Variants in PPP1R14D observed in about 807,000 individuals in gnomAD.
The protein encoded by PPP1R14D is protein phosphatase 1 regulatory subunit 14D.
A neutral mutation model predicts 17.1 loss-of-function variants in PPP1R14D; 14 were observed. The observed-to-expected ratio is 0.82, with a 90% CI of 0.54 to 1.28. The LOEUF (loss-of-function observed/expected upper bound fraction) is 1.28, where lower values mean the gene tolerates loss of function less well. Ranked by LOEUF, PPP1R14D falls within the 50% of genes most tolerant of loss-of-function variation. The pLI is 0.00. For missense variants in PPP1R14D, 173 were observed against 179.2 expected (o/e 0.97, Z 0.20); for synonymous variants, 67 against 66.1 (o/e 1.01, Z -0.06).
intron 1 of PPP1R14D, among the ~76,000 whole-genome samples, chr15:40,818,288 CAA>C (rs764375543): frequency 1.9e-4 from 7 of 37,120 alleles, no homozygotes; most frequent in African/African-American, 2.0e-4. Context: ...GACTCCATCT[CAA>C]AAAAAAAAAA....
Position 40,818,576 on chromosome 15 carries a change from C to T in PPP1R14D, c.256-2323G>A, listed in dbSNP as rs547308881. Among the ~76,000 whole-genome samples, 15 of 152,122 alleles carry T rather than the reference C, an allele frequency of 9.9e-5. No individual in the cohort carries two copies. In the East Asian group the frequency reaches 2.7e-3, roughly 27 times the overall value. ...ATAGTCCCAAGGAGTCTAGCCTGGG[C>T]AGAAAAGTAGAGACCCTGTCTCAAA... is the stretch of plus-strand genomic sequence containing the variant. On this transcript the variant is annotated intron_variant, in intron 1 of 3. Coordinates refer to ENST00000299174, the MANE Select transcript of PPP1R14D (RefSeq NM_017726.8).
intron 1 of PPP1R14D, among the ~76,000 whole-genome samples, chr15:40,822,460 T>C (rs569123963): frequency 8.7e-5 from 13 of 148,960 alleles, no homozygotes; most frequent in Middle Eastern, 6.9e-3. Flanking sequence ...ACCAGATTCT[T>C]TTTTTTTTTT....
intron 1 of PPP1R14D, 131 bp from the exon 2 acceptor site, chr15:40,816,384 T>C (rs925015294): frequency 1.4e-6 from 1 of 736,274 alleles, no homozygotes; most frequent in Non-Finnish European, 2.3e-6. Flanking sequence ...AGAACACCCA[T>C]TCAGTTTTCC....
intron 1 of PPP1R14D, among the ~76,000 whole-genome samples, chr15:40,827,174 T>C (rs1165594197): frequency 6.6e-6 from 1 of 152,204 alleles, no homozygotes; most frequent in Non-Finnish European, 1.5e-5. Context: ...GCTGACAACA[T>C]AGTAGTCACT....
chr15:40,828,120 G>A (rs1405118403), intron 1 of PPP1R14D, among the ~76,000 whole-genome samples: 2 of 152,114 alleles, frequency 1.3e-5, no homozygotes, highest in Non-Finnish European at 2.9e-5. Context: ...GTCCTATAAA[G>A]GAGATATGAC....
In PPP1R14D at chr15:40,827,200, T is replaced by C. The variant is rs537941203; in HGVS notation, c.255+1187A>G. ...AGTAGTCACTAGCCACATGGGGCTA[T>C]TTAACACTTGAGATGTGGCCCATGT... On this transcript the variant is annotated intron_variant, in intron 1 of 3. Coordinates refer to ENST00000299174, the MANE Select transcript of PPP1R14D (RefSeq NM_017726.8). Among the ~76,000 whole-genome samples, 511 of 152,342 alleles carry C rather than the reference T, an allele frequency of 3.4e-3. 3 individuals are homozygous for C. Among genetic ancestry groups the C allele is most frequent in the African/African-American group, 0.012 (495 of 41,582 alleles).
Position 40,828,588 on chromosome 15 carries a change from G to A in PPP1R14D, c.54C>T (p.Asn18=), listed in dbSNP as rs753476733. ...SCTSPSPDGE[N]PCKKVHWASG... ...AAGCCCAGTGGACCTTCTTACATGG[G>A]TTCTCCCCATCTGGGCTGGGAGATG... The change falls in exon 1 of 4, where the codon AAC becomes AAT. Residue 18 remains asparagine, a synonymous_variant. Transcript: ENST00000299174. The A allele has an allele frequency of 4.3e-6, 7 of 1,614,148 alleles. No homozygotes were observed. The highest frequency in any genetic ancestry group is 5.9e-6 in the Non-Finnish European group (7 of 1,180,012).
Position 40,828,468 on chromosome 15 carries a change from T to C in PPP1R14D, c.174A>G (p.Thr58=). 1 of 1,614,198 alleles carries C rather than the reference T, an allele frequency of 6.2e-7. No individual in the cohort carries two copies. Among genetic ancestry groups the C allele is most frequent in the South Asian group, 1.1e-5 (1 of 91,084 alleles). ...GGAGCTGGCCCCGGTCATACTTCACTGTCAGGCGGCTGGGTCTCCGGGACC... is the reference window on the plus strand; with the variant it reads ...GGAGCTGGCCCCGGTCATACTTCACCGTCAGGCGGCTGGGTCTCCGGGACC... ...IPRSRRPSRL[T]VKYDRGQLQR... Residue 58 remains threonine, a synonymous_variant, in exon 1 of 4, where the codon ACA becomes ACG. Transcript: ENST00000299174.
chr15:40,820,780 G>A (rs1596126683), intron 1 of PPP1R14D, among the ~76,000 whole-genome samples: 1 of 151,922 alleles, frequency 6.6e-6, no homozygotes, highest in African/African-American at 2.4e-5. Context: ...AGAATGGCTT[G>A]AACCCGGGAG....
In PPP1R14D at chr15:40,815,874, GC is replaced by G. The variant is rs971986511; in HGVS notation, c.372+87del. 9.0e-6 allele frequency: 13 copies of G among 1,446,804 alleles called. No homozygotes were observed. The African/African-American group carries it at 1.8e-4, about 20-fold the overall frequency. The allele number at this position is 1,446,804 out of a possible 1,614,324, so 89.6% of individuals were successfully genotyped here. A position where few individuals can be genotyped will look rare whatever the true frequency, so the allele number is the denominator to read the frequency against. On this transcript the variant is annotated intron_variant, in intron 3 of 3. Transcript: ENST00000299174. Reference sequence around the variant, plus strand: ...CCCAGAGAAGGGAGAAGGACCCACAGCCAAGCCTTCCCTTCAAATACTCCTC... The same window carrying G: ...CCCAGAGAAGGGAGAAGGACCCACAGCAAGCCTTCCCTTCAAATACTCCTC...
At chr15:40,822,125 C>A (rs631077) in intron 1 of PPP1R14D, among the ~76,000 whole-genome samples, 58,712 of 151,510 alleles carry the variant, frequency 0.39, 11,622 homozygotes, top group East Asian at 0.68. Flanking sequence ...TTTTAAAAAA[C>A]ATTTTAAGTT....
chr15:40,818,936 G>A (rs1329699557), intron 1 of PPP1R14D, among the ~76,000 whole-genome samples: 1 of 152,082 alleles, frequency 6.6e-6, no homozygotes, highest in Non-Finnish European at 1.5e-5. Flanking sequence ...GATAGTGGGG[G>A]AAGCTATACA....
In PPP1R14D at chr15:40,816,236, A is replaced by T; in HGVS notation, c.273T>A (p.Ser91=). 6.2e-7 allele frequency: 1 copy of T among 1,614,170 alleles called. No homozygotes were observed. Among genetic ancestry groups the T allele is most frequent in the Non-Finnish European group, 8.5e-7 (1 of 1,180,030 alleles). Residue 91 remains serine, a synonymous_variant, in exon 2 of 4, where the codon TCT becomes TCA. Coordinates refer to ENST00000299174, the MANE Select transcript of PPP1R14D (RefSeq NM_017726.8). ...GAGCTTCCAGGTCAATCTCAGGCTC[A>T]GAAGGGGTTGCTTGATCCTATTTGG... ...QELFQDQATP[S]EPEIDLEALM...
chr15:40,818,211 C>T (rs1055468771), intron 1 of PPP1R14D, among the ~76,000 whole-genome samples: 9 of 150,574 alleles, frequency 6.0e-5, no homozygotes, highest in African/African-American at 2.2e-4. Context: ...ATGGTGTGAA[C>T]CCGGGAGGCA....
At chr15:40,815,929 C>T in intron 3 of PPP1R14D, 33 bp downstream of exon 3, 1 of 1,613,146 alleles carries the variant, frequency 6.2e-7, no homozygotes, top group Non-Finnish European at 8.5e-7. Flanking sequence ...TGGGCCTCCT[C>T]TTACCCCAGA....
At chr15:40,824,422 G>A (rs1890836768) in intron 1 of PPP1R14D, among the ~76,000 whole-genome samples, 1 of 151,100 alleles carries the variant, frequency 6.6e-6, no homozygotes, top group South Asian at 2.1e-4. Flanking sequence ...CCAGGCTGGA[G>A]TGCAGTGGCA....
Position 40,815,564 on chromosome 15 carries a change from G to A in PPP1R14D, c.*132C>T, listed in dbSNP as rs1252174707. On this transcript the variant is annotated 3_prime_UTR_variant, in exon 4 of 4. Coordinates refer to ENST00000299174, the MANE Select transcript of PPP1R14D (RefSeq NM_017726.8). ...ACTAGCTGTGACCACACAGACAGTA[G>A]GAGTATGCAAATGTCCCTCCTTGTC... 1 of 1,124,930 alleles carries A rather than the reference G, an allele frequency of 8.9e-7. No individual in the cohort carries two copies. The highest frequency in any genetic ancestry group is 1.3e-6 in the Non-Finnish European group (1 of 791,748). 69.7% of individuals were successfully genotyped at this position (1,124,930 alleles called of 1,614,324 possible). A position where few individuals can be genotyped will look rare whatever the true frequency, so the allele number is the denominator to read the frequency against.
intron 1 of PPP1R14D, among the ~76,000 whole-genome samples, chr15:40,816,796 GCA>G (rs1890676620): frequency 6.6e-6 from 1 of 152,112 alleles, no homozygotes; most frequent in South Asian, 2.1e-4. Flanking sequence ...TATTGACCAG[GCA>G]CAGTGGCTCA....
intron 1 of PPP1R14D, among the ~76,000 whole-genome samples, chr15:40,827,173 A>G (rs1423543899): frequency 6.6e-6 from 1 of 152,232 alleles, no homozygotes; most frequent in Non-Finnish European, 1.5e-5. Flanking sequence ...TGCTGACAAC[A>G]TAGTAGTCAC....
Sources: gnomAD v4.1 joint callset for allele counts (sites outside exome capture counted in the v4.1 genomes callset) on GRCh38, gnomAD v4.1.1 for gene constraint, MANE v1.5 for transcripts, NCBI Gene and HGNC (gene_info 2026-07-23, HGNC 2026-07-21) for gene names.